PGPEP1L: variants seen among roughly 807,000 people sequenced by gnomAD.
PGPEP1L encodes the protein pyroglutamyl-peptidase I like.
In PGPEP1L, 7 loss-of-function variants were observed where a neutral mutation model predicts 6.0. That is an observed-to-expected ratio of 1.17 (90% CI 0.66 to 2.19). PGPEP1L has a LOEUF of 2.19. PGPEP1L is among the 30% of genes most tolerant of loss of function. The pLI is 0.00. For synonymous variants in PGPEP1L, 103 were observed against 83.9 expected, an observed-to-expected ratio of 1.23 and a Z score of -1.24; for missense variants, 209 against 192.5, an observed-to-expected ratio of 1.09 and a Z score of -0.51.
At chr15:98,976,991 CAAGTA>C (rs1480674227) in intron 2 of PGPEP1L, among the ~76,000 whole-genome samples, 1 of 92,006 alleles carries the variant, frequency 1.1e-5, no homozygotes, top group Non-Finnish European at 2.0e-5. Context: ...CTAGAGAGGT[CAAGTA>C]AAATGGCAAA....
rs531798984 is a variant in PGPEP1L at position 98,990,640 on chromosome 15, C to A, written c.-142+14789G>T. On this transcript the variant is annotated intron_variant, in intron 2 of 4. Coordinates refer to ENST00000535714, the MANE Select transcript of PGPEP1L (RefSeq NM_001167902.2). ...AAGAGACATCTACAGAACTCTCCAC[C>A]CCAAATAAACAGAATATACATTCTT... Among the ~76,000 whole-genome samples, 376 of 152,244 alleles carry A rather than the reference C, an allele frequency of 2.5e-3. 4 individuals carry two copies. The highest frequency in any genetic ancestry group is 8.4e-3 in the African/African-American group (349 of 41,538).
chr15:98,990,227 CA>C (rs1380600932), intron 2 of PGPEP1L, among the ~76,000 whole-genome samples: 1 of 151,594 alleles, frequency 6.6e-6, no homozygotes, highest in Non-Finnish European at 1.5e-5. Context: ...GTCTCACGTG[CA>C]AAGACACACA....
intron 2 of PGPEP1L, among the ~76,000 whole-genome samples, chr15:98,981,032 C>A (rs1243696467): frequency 6.6e-6 from 1 of 152,150 alleles, no homozygotes; most frequent in African/African-American, 2.4e-5. Flanking sequence ...TGCTGTCACA[C>A]TGATACTGTG....
At chr15:98,977,667 G>A (rs2017590179) in intron 2 of PGPEP1L, among the ~76,000 whole-genome samples, 1 of 152,164 alleles carries the variant, frequency 6.6e-6, no homozygotes, top group South Asian at 2.1e-4. Flanking sequence ...TGGGTGGAGT[G>A]TTCTACAAAT....
intron 2 of PGPEP1L, among the ~76,000 whole-genome samples, chr15:98,982,156 G>C (rs970673806): frequency 6.6e-6 from 1 of 152,204 alleles, no homozygotes; most frequent in South Asian, 2.1e-4. Context: ...TGTTTGTGGG[G>C]AGGACTGTGA....
At chr15:98,992,420 C>T (rs565080070) in intron 2 of PGPEP1L, among the ~76,000 whole-genome samples, 9 of 152,204 alleles carry the variant, frequency 5.9e-5, no homozygotes, top group East Asian at 3.9e-4. Context: ...TCAAGGAGAA[C>T]GTCAAACCAC....
chr15:99,000,242 G>C (rs1341727293), intron 2 of PGPEP1L, among the ~76,000 whole-genome samples: 3 of 152,242 alleles, frequency 2.0e-5, no homozygotes, highest in Non-Finnish European at 4.4e-5. Context: ...CTGCCTTCCT[G>C]CCGGGCAGGG....
intron 2 of PGPEP1L, among the ~76,000 whole-genome samples, chr15:98,994,823 AAC>A (rs1466693935): frequency 1.3e-5 from 2 of 152,116 alleles, no homozygotes; most frequent in Non-Finnish European, 2.9e-5. Context: ...ATGTTTTTGA[AAC>A]AATTTTGCTG....
At position 99,003,272 on chromosome 15, in the gene PGPEP1L, AAC is replaced by A. The variant is rs542510044; in HGVS notation, c.-142+2155_-142+2156del. 8.6e-5 allele frequency among the ~76,000 whole-genome samples: 13 copies of A among 151,596 alleles called. No individual in the cohort carries two copies. The South Asian group carries it at 1.5e-3, about 17-fold the overall frequency. The stretch of plus-strand genomic sequence containing the variant: ...AATAAAAATACAATAAAAATGCAGC[AAC>A]ACACACAAAAATCACATTCTGCTTT... On this transcript the variant is annotated intron_variant, in intron 2 of 4. Coordinates refer to ENST00000535714, the MANE Select transcript of PGPEP1L (RefSeq NM_001167902.2).
At chr15:98,976,779 A>G (rs1445085209) in intron 2 of PGPEP1L, among the ~76,000 whole-genome samples, 1 of 152,214 alleles carries the variant, frequency 6.6e-6, no homozygotes, top group Non-Finnish European at 1.5e-5. Context: ...GCTGCATCTC[A>G]GAGACATGAG....
intron 2 of PGPEP1L, among the ~76,000 whole-genome samples, chr15:99,004,384 GGAC>G (rs1202082053): frequency 6.7e-6 from 1 of 149,256 alleles, no homozygotes; most frequent in African/African-American, 2.5e-5. Context: ...ACTCCAGTCT[GGAC>G]AACAGAGGGA....
At chr15:99,005,932 TC>T (rs1341154570) in intron 1 of PGPEP1L, among the ~76,000 whole-genome samples, 1 of 152,182 alleles carries the variant, frequency 6.6e-6, no homozygotes, top group East Asian at 1.9e-4. Flanking sequence ...TCTTATTTTT[TC>T]CTCTTTAGTA....
intron 2 of PGPEP1L, among the ~76,000 whole-genome samples, chr15:98,979,042 T>C (rs1161447084): frequency 6.6e-6 from 1 of 151,156 alleles, no homozygotes; most frequent in East Asian, 1.9e-4. Context: ...GATATATATA[T>C]ATATATATTT....
chr15:98,988,092 T>C (rs1435186002), intron 2 of PGPEP1L, among the ~76,000 whole-genome samples: 1 of 151,432 alleles, frequency 6.6e-6, no homozygotes, highest in Non-Finnish European at 1.5e-5. Context: ...GCTGCAGGAG[T>C]TTATTTTTTT....
intron 2 of PGPEP1L, among the ~76,000 whole-genome samples, chr15:98,975,290 G>A (rs568855159): frequency 6.6e-6 from 1 of 152,154 alleles, no homozygotes; most frequent in Non-Finnish European, 1.5e-5. Flanking sequence ...TGGAGGTAGA[G>A]AATAGAATGA....
chr15:99,001,407 T>G (rs1326402610), intron 2 of PGPEP1L: 5 of 172,206 alleles, frequency 2.9e-5, no homozygotes, highest in Non-Finnish European at 6.3e-5. Flanking sequence ...ATGTGTGTTG[T>G]GGGGGGACGT....
intron 2 of PGPEP1L, among the ~76,000 whole-genome samples, chr15:98,975,127 A>G (rs1461181457): frequency 6.6e-6 from 1 of 152,222 alleles, no homozygotes. Context: ...TACACAATGG[A>G]ATATTGTTCA....
At chr15:98,969,728 A>G in intron 3 of PGPEP1L, 77 bp from the exon 4 acceptor site, 1 of 1,462,802 alleles carries the variant, frequency 6.8e-7, no homozygotes, top group South Asian at 1.1e-5. Context: ...AGAAGGGGCC[A>G]CTCCTTTTGA....
intron 2 of PGPEP1L, among the ~76,000 whole-genome samples, chr15:99,000,244 CGGGCAGGGCTCAGGACCTGCA>C (rs1359904453): frequency 6.6e-6 from 1 of 152,224 alleles, no homozygotes; most frequent in Non-Finnish European, 1.5e-5. Context: ...GCCTTCCTGC[CGGGCAGGGCTCAGGACCTGCA>C]GCCCGCCATG....
Sources: gnomAD v4.1 joint callset for allele counts (sites outside exome capture counted in the v4.1 genomes callset) on GRCh38, gnomAD v4.1.1 for gene constraint, MANE v1.5 for transcripts, NCBI Gene and HGNC (gene_info 2026-07-23, HGNC 2026-07-21) for gene names.